TRAP1: variants seen among roughly 807,000 people sequenced by gnomAD.
TRAP1 encodes the protein heat shock protein 75 kDa, mitochondrial.
Under a neutral mutation model 89.1 loss-of-function variants are expected in TRAP1, and 102 were observed. The ratio of observed to expected loss-of-function variants is 1.15; its 90% CI spans 0.98 to 1.35. The LOEUF (loss-of-function observed/expected upper bound fraction) is 1.35. Among genes scored for constraint, TRAP1 ranks in the 40% most tolerant of loss-of-function variants. TRAP1 has a pLI of 0.00. For missense variants in TRAP1, 1,256 were observed against 945.3 expected (o/e 1.33, Z -4.31); for synonymous variants, 508 against 388.0 (o/e 1.31, Z -3.64).
rs1331198638 is a variant in TRAP1, at chr16:3,666,069, G to A, written c.1285C>T (p.Gln429Ter). 14 of 1,613,912 alleles carry A rather than the reference G, an allele frequency of 8.7e-6. No homozygotes were observed. The highest frequency in any genetic ancestry group is 1.2e-5 in the Non-Finnish European group (14 of 1,179,990). The change falls in exon 12 of 18, where the codon CAG becomes TAG. Residue 429 changes from glutamine to a stop codon, truncating the protein, a stop_gained. Coordinates refer to ENST00000246957, the MANE Select transcript of TRAP1 (RefSeq NM_016292.3). LOFTEE classifies it high-confidence loss of function. ...TACTTCTCAGCATCTTTTTTACTCT[G>A]GTCAATGAAGAATTTGATCAGCCTC... ...QQRLIKFFID[Q>*]SKKDAEKYAK...
chr16:3,716,025 G>A (rs2051594219), intron 1 of TRAP1, among the ~76,000 whole-genome samples: 1 of 152,054 alleles, frequency 6.6e-6, no homozygotes, highest in Non-Finnish European at 1.5e-5. Context: ...ACCACACCCA[G>A]CTAATTTTTG....
chr16:3,674,351 G>A lies in TRAP1; in HGVS notation c.1032C>T (p.Tyr344=), dbSNP rs11541712. ...CACAGTGCCTCACCATGTCGGGCAC[G>A]TAGAAGATGCTGCGGATGTTGAGCG... ...DAPLNIRSIF[Y]VPDMKPSMFD... Residue 344 remains tyrosine, a synonymous_variant, in exon 9 of 18, where the codon TAC becomes TAT. Transcript: ENST00000246957. 0.056 allele frequency: 89,588 copies of A among 1,613,922 alleles called. 2,658 individuals are homozygous for A. The highest frequency in any genetic ancestry group is 0.061 in the Admixed American group (3,672 of 60,014).
intron 1 of TRAP1, among the ~76,000 whole-genome samples, chr16:3,702,904 T>C (rs190867424): frequency 3.3e-5 from 5 of 151,208 alleles, no homozygotes; most frequent in Admixed American, 6.6e-5. Context: ...TAGCCAGGTG[T>C]TGTCGTGGAT....
chr16:3,674,750 T>A, intron 8 of TRAP1: 1 of 536,130 alleles, frequency 1.9e-6, no homozygotes, highest in Non-Finnish European at 3.4e-6. Flanking sequence ...TGAGGGGGCC[T>A]GTGGGAGAGG....
At chr16:3,658,956 A>G in intron 16 of TRAP1, 91 bp from the exon 17 acceptor site, 1 of 1,315,402 alleles carries the variant, frequency 7.6e-7, no homozygotes, top group African/African-American at 1.4e-5. Context: ...TATTTAAAGA[A>G]GCACAGTAAG....
intron 16 of TRAP1, chr16:3,660,462 G>A (rs898444414): frequency 1.3e-5 from 2 of 151,766 alleles, no homozygotes; most frequent in African/African-American, 2.4e-5. Context: ...GACAGAGCAA[G>A]ACCCTGTCTC....
chr16:3,682,514 C>T (rs944362260), intron 4 of TRAP1, among the ~76,000 whole-genome samples: 3 of 152,048 alleles, frequency 2.0e-5, no homozygotes, highest in Non-Finnish European at 4.4e-5. Flanking sequence ...CTCAGCCTCC[C>T]GAGTAGCTGG....
At chr16:3,682,532 G>A (rs757774033) in intron 4 of TRAP1, among the ~76,000 whole-genome samples, 12 of 151,984 alleles carry the variant, frequency 7.9e-5, no homozygotes, top group African/African-American at 2.2e-4. Context: ...TGGGACTACC[G>A]GCACACGCTG....
At position 3,717,446 on chromosome 16, in the gene TRAP1, CGCCCGCAGCAAA is replaced by C; in HGVS notation, c.51_62del (p.Leu18_Ala21del). On this transcript the variant is annotated inframe_deletion, in exon 1 of 18. Transcript: ENST00000246957. Reference sequence around the variant, plus strand: ...CTCCCGGCACGGCCGCCAGCGCCGGCGCCCGCAGCAAAGGCCGCAGGCGGCGGCCCCACAGCA... The same window carrying C: ...CTCCCGGCACGGCCGCCAGCGCCGGCGGCCGCAGGCGGCGGCCCCACAGCA... 23 of 1,275,646 alleles carry C rather than the reference CGCCCGCAGCAAA, an allele frequency of 1.8e-5. No individual in the cohort carries two copies. Among genetic ancestry groups the C allele is most frequent in the Non-Finnish European group, 2.3e-5 (23 of 1,017,950 alleles). 79.0% of individuals were successfully genotyped at this position (1,275,646 alleles called of 1,614,324 possible).
At chr16:3,701,550 C>CCA (rs2051365136) in intron 1 of TRAP1, among the ~76,000 whole-genome samples, 2 of 120,082 alleles carry the variant, frequency 1.7e-5, no homozygotes, top group African/African-American at 6.2e-5. Context: ...GACCCTGTCC[C>CCA]AAAAAAAAAA....
rs140396775 is a variant in TRAP1 at position 3,658,723 on chromosome 16, C to G, written c.2013+70G>C. The G allele has an allele frequency of 2.5e-4, 368 of 1,449,156 alleles. 5 individuals carry two copies. In the African/African-American group the frequency reaches 4.2e-3, roughly 17 times the overall value. 89.8% of individuals were successfully genotyped at this position (1,449,156 alleles called of 1,614,324 possible). On this transcript the variant is annotated intron_variant, in intron 17 of 17. Transcript: ENST00000246957. Reference sequence around the variant, plus strand: ...CAGGATTTTAGAGGAAACCGCTGTTCCACCCTGAAGGCAGGCTGGCAGGGC... The same window carrying G: ...CAGGATTTTAGAGGAAACCGCTGTTGCACCCTGAAGGCAGGCTGGCAGGGC...
At chr16:3,662,482 C>G (rs762448435) in intron 15 of TRAP1, 13 of 522,344 alleles carry the variant, frequency 2.5e-5, no homozygotes, top group Non-Finnish European at 4.6e-5. Context: ...CTGAGCTAGA[C>G]AGGTTGGTGG....
chr16:3,697,905 C>T lies in TRAP1; in HGVS notation c.89-6920G>A, dbSNP rs547125169. ...CCAGGTTCAAGCAATTCTCCTGCCT[C>T]AGCCTCCCAAGTAGCTGGGATTGCA... On this transcript the variant is annotated intron_variant, in intron 1 of 17. Coordinates refer to ENST00000246957, the MANE Select transcript of TRAP1 (RefSeq NM_016292.3). 2.6e-5 allele frequency among the ~76,000 whole-genome samples: 4 copies of T among 151,808 alleles called. No individual in the cohort carries two copies. The East Asian group carries it at 8.0e-4, about 30-fold the overall frequency.
chr16:3,663,161 T>C (rs1403715680), intron 14 of TRAP1, 194 bp from the exon 15 acceptor site: 2 of 659,518 alleles, frequency 3.0e-6, no homozygotes, highest in African/African-American at 3.6e-5. Flanking sequence ...ACAACTTGGT[T>C]AGGGCTTTAA....
intron 1 of TRAP1, among the ~76,000 whole-genome samples, chr16:3,699,629 CAAAAAA>C (rs35602361): frequency 2.8e-5 from 2 of 72,054 alleles, no homozygotes; most frequent in Middle Eastern, 6.8e-3. Flanking sequence ...AACTCCGTCT[CAAAAAA>C]AAAAAAAAAA....
At position 3,709,942 on chromosome 16, in the gene TRAP1, G is replaced by T. The variant is rs532218681; in HGVS notation, c.88+7479C>A. On this transcript the variant is annotated intron_variant, in intron 1 of 17. Coordinates refer to ENST00000246957, the MANE Select transcript of TRAP1 (RefSeq NM_016292.3). ...TGGGATTACAGGCGTGAGCCACCGCGCCTGGCGAGAAGATTCTTAAGTACA... is the reference window on the plus strand; with the variant it reads ...TGGGATTACAGGCGTGAGCCACCGCTCCTGGCGAGAAGATTCTTAAGTACA... Among the ~76,000 whole-genome samples, 2 of 152,124 alleles carry T rather than the reference G, an allele frequency of 1.3e-5. 1 individual carries two copies. Among genetic ancestry groups the T allele is most frequent in the Non-Finnish European group, 2.9e-5 (2 of 68,012 alleles).
At position 3,685,962 on chromosome 16, in the gene TRAP1, G is replaced by C. The variant is rs775329400; in HGVS notation, c.471+34C>G. The C allele has an allele frequency of 2.9e-5, 47 of 1,604,214 alleles. 1 individual carries two copies. The Admixed American group carries it at 5.9e-4, about 20-fold the overall frequency. On this transcript the variant is annotated intron_variant, in intron 4 of 17. Coordinates refer to ENST00000246957, the MANE Select transcript of TRAP1 (RefSeq NM_016292.3). Reference sequence around the variant, plus strand: ...GGATCCTGTCCTTGCTGCATGGCCGGGCCTGCCACACGCCTGGACACTGAG... The same window carrying C: ...GGATCCTGTCCTTGCTGCATGGCCGCGCCTGCCACACGCCTGGACACTGAG...
chr16:3,682,329 T>A (rs533890683), intron 4 of TRAP1, among the ~76,000 whole-genome samples: 2 of 150,578 alleles, frequency 1.3e-5, no homozygotes, highest in Admixed American at 6.6e-5. Flanking sequence ...GGTGGGAAAA[T>A]TGCTTGAGCC....
rs141475397 is a variant in TRAP1, at chr16:3,674,443, ACTC to A, written c.937_939del (p.Glu313del). 3.6e-4 allele frequency: 573 copies of A among 1,613,486 alleles called. 1 individual carries two copies. The East Asian group carries it at 0.011, about 31-fold the overall frequency. ...TGAGCCTGCGCGACGTAGCGGTAGAACTCCTCATGTTGCCACTCACGGACATCC... is the reference window on the plus strand; with the variant it reads ...TGAGCCTGCGCGACGTAGCGGTAGAACTCATGTTGCCACTCACGGACATCC... On this transcript the variant is annotated inframe_deletion, in exon 9 of 18. Coordinates refer to ENST00000246957, the MANE Select transcript of TRAP1 (RefSeq NM_016292.3).
Sources: gnomAD v4.1 joint callset for allele counts (sites outside exome capture counted in the v4.1 genomes callset) on GRCh38, gnomAD v4.1.1 for gene constraint, MANE v1.5 for transcripts, NCBI Gene and HGNC (gene_info 2026-07-23, HGNC 2026-07-21) for gene names.